The following TIE1 variants were observed in gnomAD, a reference collection of about 807,000 sequenced individuals.
TIE1 encodes tyrosine-protein kinase receptor Tie-1.
TIE1 carries 89 observed loss-of-function variants against 130.5 expected under a neutral mutation model. That is an observed-to-expected ratio of 0.68 (90% CI 0.57 to 0.81). The LOEUF (loss-of-function observed/expected upper bound fraction) is 0.81, where lower values mean the gene tolerates loss of function less well. Among genes scored for constraint, TIE1 ranks in the 40% least tolerant of loss-of-function variants. The probability of loss-of-function intolerance (pLI) is 0.00; values close to 1 mark genes in which losing one functional copy is unlikely to be tolerated. For missense variants in TIE1, 1,392 were observed against 1,559.8 expected (o/e 0.89, Z 1.81); for synonymous variants, 568 against 629.4 (o/e 0.90, Z 1.46).
chr1:43,307,146 T>TGGGGCTG lies in TIE1; in HGVS notation c.648_654dup (p.Arg219GlyfsTer25), dbSNP rs1420559209. 1 of 1,613,948 alleles carries TGGGGCTG rather than the reference T, an allele frequency of 6.2e-7. No individual in the cohort carries two copies. Among genetic ancestry groups the TGGGGCTG allele is most frequent in the Admixed American group, 1.7e-5 (1 of 60,006 alleles). On this transcript the variant is annotated frameshift_variant, in exon 5 of 23. Coordinates refer to ENST00000372476, the MANE Select transcript of TIE1 (RefSeq NM_005424.5). LOFTEE classifies it high-confidence loss of function. The surrounding 1 kb of genome is among the most constrained non-coding windows in gnomAD (Gnocchi z 5.4). ...GCTGAAGACACCTTCCTCCAGGTTG[T>TGGGGCTG]GGGGCTGGGCGCTGGGGGCCAGGCT...
Position 43,322,745 on chromosome 1 carries a change from G to A in TIE1, c.*23G>A, listed in dbSNP as rs766873085. The A allele has an allele frequency of 1.9e-6, 3 of 1,611,316 alleles. No homozygotes were observed. In the Admixed American group the frequency reaches 5.0e-5, roughly 27 times the overall value. ...TGAGCTGCCATCCAGCCAGAACGTG[G>A]CTCTGCTGGCCGGAGCAAACTCTGC... On this transcript the variant is annotated 3_prime_UTR_variant, in exon 23 of 23. Coordinates refer to ENST00000372476, the MANE Select transcript of TIE1 (RefSeq NM_005424.5). This position sits in a 1 kb window ranked among gnomAD's most constrained non-coding sequence, Gnocchi z 4.0.
chr1:43,310,130 GTCCC>G (rs1451509581), intron 9 of TIE1, among the ~76,000 whole-genome samples: 2 of 151,806 alleles, frequency 1.3e-5, no homozygotes, highest in African/African-American at 4.8e-5. Context: ...TGACCCTGCT[GTCCC>G]TCTGCTCCTG....
Position 43,316,533 on chromosome 1 carries a change from C to A in TIE1, c.2410-666C>A, listed in dbSNP as rs1439829646. ...CCTCCTACTGAGTTAGGAAATTGGA[C>A]ATTCCTCTTTGTTATAGTCTTGCTA... On this transcript the variant is annotated intron_variant, in intron 14 of 22. Transcript: ENST00000372476. The surrounding 1 kb of genome is among the most constrained non-coding windows in gnomAD (Gnocchi z 4.4). 6.6e-6 allele frequency among the ~76,000 whole-genome samples: 1 copy of A among 152,218 alleles called. No homozygotes were observed. Among genetic ancestry groups the A allele is most frequent in the Non-Finnish European group, 1.5e-5 (1 of 68,038 alleles).
Position 43,313,308 on chromosome 1 carries a change from A to G in TIE1, c.2101A>G (p.Thr701Ala), listed in dbSNP as rs1192265953. 4 of 1,613,964 alleles carry G rather than the reference A, an allele frequency of 2.5e-6. No individual in the cohort carries two copies. Among genetic ancestry groups the G allele is most frequent in the Non-Finnish European group, 3.4e-6 (4 of 1,179,932 alleles). ...LWIDVDRPEE[T>A]STIIRGLNAS... ...GATAGACGTGGACAGGCCTGAGGAG[A>G]CAAGCACCATCATCCGTGGCCTCAA... is the stretch of plus-strand genomic sequence containing the variant. The change falls in exon 13 of 23, where the codon ACA (threonine) becomes GCA (alanine). Residue 701 changes from threonine (T) to alanine (A), a missense_variant. Around this residue, in one of 6 missense-constraint regions of TIE1, gnomAD observed 551 missense variants for 565.5 expected, o/e 0.97. Coordinates refer to ENST00000372476, the MANE Select transcript of TIE1 (RefSeq NM_005424.5). This position sits in a 1 kb window ranked among gnomAD's most constrained non-coding sequence, Gnocchi z 6.2.
chr1:43,311,987 C>T lies in TIE1; in HGVS notation c.1493-7C>T, dbSNP rs761047325. The stretch of plus-strand genomic sequence containing the variant: ...TGAATAATGTGTGCTTTACACCCCA[C>T]GCCCAGTGGACCCCAGTGAGAACGT... On this transcript the variant is annotated splice_polypyrimidine_tract_variant and splice_region_variant and intron_variant, in intron 10 of 22. Transcript: ENST00000372476. 25 of 1,578,984 alleles carry T rather than the reference C, an allele frequency of 1.6e-5. No homozygotes were observed. Among genetic ancestry groups the T allele is most frequent in the Admixed American group, 3.5e-5 (2 of 57,138 alleles).
chr1:43,302,005 T>G lies in TIE1; in HGVS notation c.58+876T>G, dbSNP rs144917148. Among the ~76,000 whole-genome samples the G allele has an allele frequency of 1.4e-4, 21 of 152,328 alleles. No homozygotes were observed. In the East Asian group the frequency reaches 3.1e-3, roughly 22 times the overall value. On this transcript the variant is annotated intron_variant, in intron 1 of 22. Transcript: ENST00000372476. Reference sequence around the variant, plus strand: ...TCAAGGCCAGGAAAACACAGGCAAGTGCTAGAAATCACTGCAACCTGGGAT... The same window carrying G: ...TCAAGGCCAGGAAAACACAGGCAAGGGCTAGAAATCACTGCAACCTGGGAT...
At position 43,312,499 on chromosome 1, in the gene TIE1, G is replaced by A; in HGVS notation, c.1825G>A (p.Gly609Arg). Residue 609 changes from glycine to arginine, a missense_variant, in exon 12 of 23, where the codon GGA becomes AGA. Physicochemically the swap from Gly to Arg is moderately radical, Grantham distance 125. Around this residue, in one of 6 missense-constraint regions of TIE1, gnomAD observed 551 missense variants for 565.5 expected, o/e 0.97. Coordinates refer to ENST00000372476, the MANE Select transcript of TIE1 (RefSeq NM_005424.5). The surrounding 1 kb of genome is among the most constrained non-coding windows in gnomAD (Gnocchi z 5.6). Reference sequence around the variant, plus strand: ...CCAGGCCCGCACTGCCCTCCTGACGGGACTCACGCCTGGCACCCACTACCA... The same window carrying A: ...CCAGGCCCGCACTGCCCTCCTGACGAGACTCACGCCTGGCACCCACTACCA... ...SPQARTALLT[G>R]LTPGTHYQLD... 2 of 1,613,038 alleles carry A rather than the reference G, an allele frequency of 1.2e-6. No individual in the cohort carries two copies. Among genetic ancestry groups the A allele is most frequent in the African/African-American group, 1.3e-5 (1 of 75,022 alleles).
Position 43,313,394 on chromosome 1 carries a change from C to T in TIE1, c.2187C>T (p.Ser729=), listed in dbSNP as rs1323918127. 2 of 1,613,998 alleles carry T rather than the reference C, an allele frequency of 1.2e-6. No homozygotes were observed. The highest frequency in any genetic ancestry group is 2.2e-5 in the South Asian group (2 of 91,090). Reference sequence around the variant, plus strand: ...GCATTCAGGGGCTCGGGGACTGGAGCAACACAGTAGAAGAGTCCACCCTGG... The same window carrying T: ...GCATTCAGGGGCTCGGGGACTGGAGTAACACAGTAGAAGAGTCCACCCTGG... ...RASIQGLGDW[S]NTVEESTLGN... Residue 729 remains serine (S), a synonymous_variant, in exon 13 of 23, where the codon AGC becomes AGT. Coordinates refer to ENST00000372476, the MANE Select transcript of TIE1 (RefSeq NM_005424.5). The surrounding 1 kb of genome is among the most constrained non-coding windows in gnomAD (Gnocchi z 6.2).
Position 43,316,563 on chromosome 1 carries a change from CA to C in TIE1, c.2410-635del, listed in dbSNP as rs1218010444. On this transcript the variant is annotated intron_variant, in intron 14 of 22. Coordinates refer to ENST00000372476, the MANE Select transcript of TIE1 (RefSeq NM_005424.5). The surrounding 1 kb of genome is among the most constrained non-coding windows in gnomAD (Gnocchi z 4.4). ...CTCTTTGTTATAGTCTTGCTATTTT[CA>C]GGTCCTGGCCTGATTTTAGAGCTAT... is the stretch of plus-strand genomic sequence containing the variant. 6.6e-6 allele frequency among the ~76,000 whole-genome samples: 1 copy of C among 152,194 alleles called. No individual in the cohort carries two copies. Among genetic ancestry groups the C allele is most frequent in the African/African-American group, 2.4e-5 (1 of 41,436 alleles).
chr1:43,311,904 G>A (rs1646798576), intron 10 of TIE1, 75 bp downstream of exon 10: 19 of 1,575,182 alleles, frequency 1.2e-5, no homozygotes, highest in Non-Finnish European at 1.6e-5. Context: ...AGGAGAGGGA[G>A]GGCAAATGGT....
rs1419156573 is a variant in TIE1 at position 43,317,200 on chromosome 1, G to C, written c.2411G>C (p.Gly804Ala). 2 of 1,613,858 alleles carry C rather than the reference G, an allele frequency of 1.2e-6. No homozygotes were observed. Reference protein sequence around the residue: ...RRTFTYQSGSGEETILQFSSG... With the variant: ...RRTFTYQSGSAEETILQFSSG... ...GCCCTCTTGTCTCATCCTGTGAAGG[G>C]CGAGGAGACCATCCTGCAGTTCAGC... The change falls in exon 15 of 23, where the codon GGC becomes GCC. Residue 804 changes from glycine to alanine, a missense_variant and splice_region_variant. Physicochemically the swap from Gly to Ala is moderately conservative, Grantham distance 60 (BLOSUM62 0). Around this residue, in one of 6 missense-constraint regions of TIE1, gnomAD observed 286 missense variants for 354.4 expected, o/e 0.81. Transcript: ENST00000372476. The surrounding 1 kb of genome is among the most constrained non-coding windows in gnomAD (Gnocchi z 5.1).
intron 14 of TIE1, chr1:43,314,522 C>T (rs1646840201): frequency 2.0e-6 from 2 of 1,001,080 alleles, no homozygotes; most frequent in East Asian, 1.1e-4. Flanking sequence ...ATCCCAGGGC[C>T]TCCTTTTGGA....
Position 43,312,534 on chromosome 1 carries a change from G to A in TIE1, c.1860G>A (p.Val620=), listed in dbSNP as rs1395918166. The A allele has an allele frequency of 3.1e-6, 5 of 1,613,492 alleles. No individual in the cohort carries two copies. The African/African-American group carries it at 4.0e-5, about 13-fold the overall frequency. The change falls in exon 12 of 23, where the codon GTG becomes GTA. Residue 620 remains valine (V), a synonymous_variant. Transcript: ENST00000372476. This position sits in a 1 kb window ranked among gnomAD's most constrained non-coding sequence, Gnocchi z 5.6. ...LTPGTHYQLD[V]QLYHCTLLGP... ...CTGGCACCCACTACCAGCTGGATGT[G>A]CAGCTCTACCACTGCACCCTCCTGG...
Position 43,319,050 on chromosome 1 carries a change from G to A in TIE1, c.2923-185G>A, listed in dbSNP as rs756826947. On this transcript the variant is annotated intron_variant, in intron 17 of 22. Transcript: ENST00000372476. The surrounding 1 kb of genome is among the most constrained non-coding windows in gnomAD (Gnocchi z 4.7). ...CTGAACTTGGTCAGGGCCCAGGAAC[G>A]AGCGGGTGAGAGCCAACACTGATCT... Among the ~76,000 whole-genome samples, 3 of 152,240 alleles carry A rather than the reference G, an allele frequency of 2.0e-5. No homozygotes were observed. The highest frequency in any genetic ancestry group is 3.9e-4 in the East Asian group (2 of 5,178).
chr1:43,313,425 G>A lies in TIE1; in HGVS notation c.2218G>A (p.Gly740Arg), dbSNP rs765436299. Residue 740 changes from glycine to arginine, a missense_variant and splice_region_variant, in exon 13 of 23, where the codon GGG becomes AGG. By Grantham distance (125) the Gly-to-Arg change is moderately radical (BLOSUM62 -2). Transcript: ENST00000372476. This position sits in a 1 kb window ranked among gnomAD's most constrained non-coding sequence, Gnocchi z 6.2. Reference sequence around the variant, plus strand: ...AGTAGAAGAGTCCACCCTGGGCAACGGTGAGAGGGCAGGGCCCACAGGACC... The same window carrying A: ...AGTAGAAGAGTCCACCCTGGGCAACAGTGAGAGGGCAGGGCCCACAGGACC... ...NTVEESTLGN[G>R]LQAEGPVQES... is the part of the protein sequence containing the mutation. 5.6e-6 allele frequency: 9 copies of A among 1,613,746 alleles called. No individual in the cohort carries two copies. Among genetic ancestry groups the A allele is most frequent in the South Asian group, 3.3e-5 (3 of 91,076 alleles).
Position 43,321,741 on chromosome 1 carries a change from G to A in TIE1, c.3345+26G>A, listed in dbSNP as rs371809864. On this transcript the variant is annotated intron_variant, in intron 22 of 22. Coordinates refer to ENST00000372476, the MANE Select transcript of TIE1 (RefSeq NM_005424.5). ...GTGAGGAGACTGGGGCTGAGGTGGC[G>A]GGCTGGGCTCACAGAGTGCTCCAGA... 5.6e-5 allele frequency: 86 copies of A among 1,549,126 alleles called. No individual in the cohort carries two copies. In the African/African-American group the frequency reaches 7.4e-4, roughly 13 times the overall value.
chr1:43,301,013 C>A lies in TIE1; in HGVS notation c.-59C>A. 1 of 1,592,416 alleles carries A rather than the reference C, an allele frequency of 6.3e-7. No individual in the cohort carries two copies. The highest frequency in any genetic ancestry group is 1.3e-5 in the African/African-American group (1 of 74,610). ...ACCAACACAGGCTGAGCAGTCAGGC[C>A]CACAGCATCTGACCCCAGGCCCAGC... On this transcript the variant is annotated 5_prime_UTR_variant, in exon 1 of 23. Coordinates refer to ENST00000372476, the MANE Select transcript of TIE1 (RefSeq NM_005424.5).
intron 1 of TIE1, 105 bp downstream of exon 1, chr1:43,301,234 G>A: frequency 7.8e-7 from 1 of 1,284,714 alleles, no homozygotes; most frequent in Non-Finnish European, 1.1e-6. Context: ...GATGATGGTT[G>A]CCATGGGCTG....
rs1381565640 is a variant in TIE1 at position 43,309,410 on chromosome 1, C to T, written c.1211C>T (p.Pro404Leu). 1 of 1,603,524 alleles carries T rather than the reference C, an allele frequency of 6.2e-7. No individual in the cohort carries two copies. Among genetic ancestry groups the T allele is most frequent in the East Asian group, 2.2e-5 (1 of 44,874 alleles). ...VLLSTKAIVE[P>L]EKTTAEFEVP... Reference sequence around the variant, plus strand: ...TAGTCCACCAAGGCCATTGTGGAGCCAGAGAAGACCACAGCTGAGTTCGAG... The same window carrying T: ...TAGTCCACCAAGGCCATTGTGGAGCTAGAGAAGACCACAGCTGAGTTCGAG... Residue 404 changes from proline to leucine, a missense_variant, in exon 9 of 23, where the codon CCA (proline) becomes CTA (leucine). Transcript: ENST00000372476. The surrounding 1 kb of genome is among the most constrained non-coding windows in gnomAD (Gnocchi z 6.3).
Sources: allele counts gnomAD v4.1 joint callset (sites outside exome capture counted in the v4.1 genomes callset), GRCh38; gene constraint gnomAD v4.1.1; regional missense constraint gnomAD v4.1.1; non-coding constraint Gnocchi (gnomAD v3.1); transcripts MANE v1.5; gene names NCBI Gene and HGNC (gene_info 2026-07-23, HGNC 2026-07-21).